The following RFT1 variants were observed in gnomAD, a reference collection of about 807,000 sequenced individuals.
RFT1 encodes the protein man(5)GlcNAc(2)-PP-dolichol translocation protein RFT1.
In RFT1, 43 loss-of-function variants were observed where a neutral mutation model predicts 62.2. The observed-to-expected ratio is 0.69, with a 90% CI of 0.54 to 0.89. The LOEUF is 0.89. Ranked by LOEUF, RFT1 falls within the 40% of genes least tolerant of loss-of-function variation. The probability of loss-of-function intolerance (pLI) is 0.00; values close to 1 mark genes in which losing one functional copy is unlikely to be tolerated. For missense variants in RFT1, 605 were observed against 649.9 expected (o/e 0.93, Z 0.75); for synonymous variants, 262 against 264.6 (o/e 0.99, Z 0.10).
At position 53,106,867 on chromosome 3, in the gene RFT1, C is replaced by T. The variant is rs766766673; in HGVS notation, c.778G>A (p.Glu260Lys). ...TTCAAAAATGTCATCACATATCGCT[C>T]GCCTATAAACAAAAAAGCAAAATAA... is the stretch of plus-strand genomic sequence containing the variant. The part of the protein sequence containing the change: ...SFLKQILTEG[E>K]RYVMTFLNVL... Residue 260 changes from glutamate (E) to lysine (K), a missense_variant and splice_region_variant, in exon 8 of 13, where the codon GAG (glutamate) becomes AAG (lysine). Coordinates refer to ENST00000296292, the MANE Select transcript of RFT1 (RefSeq NM_052859.4). 9 of 1,612,456 alleles carry T rather than the reference C, an allele frequency of 5.6e-6. No individual in the cohort carries two copies. The highest frequency in any genetic ancestry group is 2.2e-5 in the East Asian group (1 of 44,768).
At chr3:53,096,055 C>G (rs1448529086) in intron 11 of RFT1, among the ~76,000 whole-genome samples, 11 of 152,186 alleles carry the variant, frequency 7.2e-5, no homozygotes, top group Non-Finnish European at 1.6e-4. Context: ...TGGCGCTGTG[C>G]CATAGGGGCC....
intron 7 of RFT1, among the ~76,000 whole-genome samples, chr3:53,110,979 G>T (rs1701631702): frequency 6.6e-6 from 1 of 152,090 alleles, no homozygotes; most frequent in Non-Finnish European, 1.5e-5. Context: ...TCTGTCGTAG[G>T]TAAACTGAAA....
intron 6 of RFT1, among the ~76,000 whole-genome samples, chr3:53,113,521 T>A (rs1459877320): frequency 6.6e-6 from 1 of 152,234 alleles, no homozygotes; most frequent in Non-Finnish European, 1.5e-5. Context: ...CTCAGTCATG[T>A]GGGCCCCTGT....
intron 11 of RFT1, among the ~76,000 whole-genome samples, chr3:53,095,275 C>T (rs1002075396): frequency 1.3e-5 from 2 of 152,000 alleles, no homozygotes; most frequent in Non-Finnish European, 2.9e-5. Context: ...AAAAAAAAAT[C>T]ACTTTTTAAA....
At position 53,091,829 on chromosome 3, in the gene RFT1, A is replaced by T. The variant is rs1019347106; in HGVS notation, c.*74T>A. 9 of 1,534,960 alleles carry T rather than the reference A, an allele frequency of 5.9e-6. No homozygotes were observed. Among genetic ancestry groups the T allele is most frequent in the Non-Finnish European group, 7.2e-6 (8 of 1,110,846 alleles). On this transcript the variant is annotated 3_prime_UTR_variant, in exon 13 of 13. Transcript: ENST00000296292. ...CTGCAGAGCCCTCAGTGGGGCTCTT[A>T]CACAGAATGTGTTCCACCCACAGAA...
intron 11 of RFT1, among the ~76,000 whole-genome samples, chr3:53,095,111 C>T (rs558078290): frequency 4.0e-5 from 6 of 150,270 alleles, no homozygotes; most frequent in Admixed American, 3.3e-4. Context: ...ACTAAAAATA[C>T]AAAAATTAGC....
chr3:53,077,078 T>G, the RFT1 span, among the ~76,000 whole-genome samples: 1 of 152,150 alleles, frequency 6.6e-6, no homozygotes, highest in East Asian at 1.9e-4. Context: ...AGAGGGGAAT[T>G]AGTATTTCCA....
rs1232420922 is a variant in RFT1 at position 53,130,405 on chromosome 3, T to C, written c.-5A>G. 6.4e-7 allele frequency: 1 copy of C among 1,552,226 alleles called. No homozygotes were observed. The highest frequency in any genetic ancestry group is 1.2e-5 in the South Asian group (1 of 84,182). The stretch of plus-strand genomic sequence containing the variant: ...CAGCACCTCCTGGCTGCCCATAGCC[T>C]CCGCGCCAGGCTCAGACACCAGGAA... On this transcript the variant is annotated 5_prime_UTR_variant, in exon 1 of 13. Transcript: ENST00000296292.
At chr3:53,121,841 A>C (rs1701978033) in intron 4 of RFT1, 41 bp from the exon 5 acceptor site, 1 of 1,521,924 alleles carries the variant, frequency 6.6e-7, no homozygotes, top group Non-Finnish European at 9.0e-7. Context: ...AAACATCATC[A>C]AAAAGTCAAG....
chr3:53,074,811 C>A, the RFT1 span, among the ~76,000 whole-genome samples: 3 of 152,180 alleles, frequency 2.0e-5, no homozygotes, highest in Non-Finnish European at 2.9e-5. Flanking sequence ...AAGCTCAAGA[C>A]AGAAGCTCTG....
At chr3:53,126,762 A>C (rs1282761258) in intron 1 of RFT1, among the ~76,000 whole-genome samples, 1 of 152,218 alleles carries the variant, frequency 6.6e-6, no homozygotes, top group Admixed American at 6.5e-5. Context: ...ACAGAGAACA[A>C]GAAGACTGTA....
chr3:53,103,825 C>T (rs1701384328), intron 10 of RFT1, 128 bp downstream of exon 10: 1 of 1,183,462 alleles, frequency 8.4e-7, no homozygotes, highest in East Asian at 2.4e-5. Context: ...TCCCACAGCC[C>T]CTGCCACCAG....
chr3:53,128,571 G>T (rs991381408), intron 1 of RFT1, among the ~76,000 whole-genome samples: 5 of 152,270 alleles, frequency 3.3e-5, no homozygotes, highest in African/African-American at 1.2e-4. Flanking sequence ...GGAGTGCAGT[G>T]GCATAATCAC....
downstream of RFT1, among the ~76,000 whole-genome samples, chr3:53,086,908 C>T (rs11130338): frequency 0.48 from 73,699 of 151,982 alleles, 19,755 homozygotes; most frequent in East Asian, 0.72. Flanking sequence ...CACTTGCCAT[C>T]GGTGCCTGGC....
At chr3:53,085,290 C>T (rs1439798363), downstream of RFT1, among the ~76,000 whole-genome samples, 1 of 152,178 alleles carries the variant, frequency 6.6e-6, no homozygotes, top group Non-Finnish European at 1.5e-5. Context: ...TGCCCCAGAG[C>T]CTGGCCCCTG....
downstream of RFT1, chr3:53,086,000 T>A (rs370754359): frequency 1.3e-5 from 2 of 152,380 alleles, no homozygotes; most frequent in Non-Finnish European, 2.9e-5. Context: ...ATAATGGGAC[T>A]GATTATGCCA....
chr3:53,119,845 T>A (rs748421865), intron 6 of RFT1, 39 bp downstream of exon 6: 6 of 1,546,730 alleles, frequency 3.9e-6, no homozygotes, highest in Admixed American at 3.6e-5. Flanking sequence ...AAGCAGCACC[T>A]ATGATTAAAA....
the RFT1 span, among the ~76,000 whole-genome samples, chr3:53,074,852 G>A: frequency 6.6e-6 from 1 of 152,320 alleles, no homozygotes; most frequent in Admixed American, 6.5e-5. Flanking sequence ...GGGGCAAGAA[G>A]AGAAGCAGGC....
chr3:53,082,329 G>GT, the RFT1 span, among the ~76,000 whole-genome samples: 1 of 152,100 alleles, frequency 6.6e-6, no homozygotes, highest in Non-Finnish European at 1.5e-5. Flanking sequence ...ACAAAAATTA[G>GT]TTGAGTGTGG....
Sources: allele counts gnomAD v4.1 joint callset (sites outside exome capture counted in the v4.1 genomes callset), GRCh38; gene constraint gnomAD v4.1.1; transcripts MANE v1.5; gene names NCBI Gene and HGNC (gene_info 2026-07-23, HGNC 2026-07-21).